Variants in TBC1D14 observed in about 807,000 individuals in gnomAD.
The protein encoded by TBC1D14 is TBC1 domain family, member 14.
A neutral mutation model predicts 79.0 loss-of-function variants in TBC1D14; 26 were observed. The ratio of observed to expected loss-of-function variants is 0.33; its 90% CI spans 0.24 to 0.46. The LOEUF (loss-of-function observed/expected upper bound fraction) is 0.46, where lower values mean the gene tolerates loss of function less well. Among genes scored for constraint, TBC1D14 ranks in the 20% least tolerant of loss-of-function variants. The pLI is 1.00. For missense variants in TBC1D14, 769 were observed against 887.6 expected (o/e 0.87, Z 1.70); for synonymous variants, 394 against 349.9 (o/e 1.13, Z -1.40).
At chr4:6,973,322 C>A (rs1295208150) in intron 3 of TBC1D14, among the ~76,000 whole-genome samples, 1 of 152,000 alleles carries the variant, frequency 6.6e-6, no homozygotes, top group Non-Finnish European at 1.5e-5. Context: ...TTGTAGATTG[C>A]AGCAAGGATA....
intron 1 of TBC1D14, among the ~76,000 whole-genome samples, chr4:6,912,867 T>C (rs1268549759): frequency 5.9e-5 from 9 of 152,214 alleles, no homozygotes; most frequent in African/African-American, 2.2e-4. Context: ...AGTTAAGAAA[T>C]GAGTCCAAGC....
At chr4:6,966,934 C>G (rs1412083500) in intron 2 of TBC1D14, among the ~76,000 whole-genome samples, 4 of 152,130 alleles carry the variant, frequency 2.6e-5, no homozygotes, top group African/African-American at 7.2e-5. Flanking sequence ...CTCAGCCTCC[C>G]GAGTAGCTGG....
At chr4:7,004,135 C>T (rs1049579937) in intron 7 of TBC1D14, among the ~76,000 whole-genome samples, 1 of 152,192 alleles carries the variant, frequency 6.6e-6, no homozygotes, top group African/African-American at 2.4e-5. Context: ...GAATGGGGCA[C>T]GGATATACCT....
At chr4:6,973,323 A>T (rs1716383567) in intron 3 of TBC1D14, among the ~76,000 whole-genome samples, 1 of 151,938 alleles carries the variant, frequency 6.6e-6, no homozygotes, top group African/African-American at 2.4e-5. Flanking sequence ...TGTAGATTGC[A>T]GCAAGGATAG....
At chr4:6,998,253 A>T (rs756310189) in intron 5 of TBC1D14, among the ~76,000 whole-genome samples, 2 of 151,772 alleles carry the variant, frequency 1.3e-5, no homozygotes, top group Non-Finnish European at 2.9e-5. Context: ...CCAGCTTCTC[A>T]GGAGGCTAAG....
intron 12 of TBC1D14, among the ~76,000 whole-genome samples, chr4:7,023,437 T>C (rs1441044724): frequency 1.3e-5 from 2 of 152,148 alleles, no homozygotes; most frequent in Non-Finnish European, 2.9e-5. Context: ...ACAAGCATGC[T>C]CTCCAGGTAC....
chr4:6,945,325 G>T lies in TBC1D14; in HGVS notation c.722+21214G>T, dbSNP rs142475816. Among the ~76,000 whole-genome samples the T allele has an allele frequency of 2.1e-4, 32 of 152,296 alleles. No individual in the cohort carries two copies. The East Asian group carries it at 6.2e-3, about 29-fold the overall frequency. On this transcript the variant is annotated intron_variant, in intron 2 of 13. Transcript: ENST00000409757. ...AGAAGATAATAGGAGAGTTTGTGCTGTAAGGCAGGTGTTTACAGTTTGATT... is the reference window on the plus strand; with the variant it reads ...AGAAGATAATAGGAGAGTTTGTGCTTTAAGGCAGGTGTTTACAGTTTGATT...
intron 3 of TBC1D14, among the ~76,000 whole-genome samples, chr4:6,971,495 G>C (rs1258032768): frequency 2.6e-5 from 4 of 152,094 alleles, no homozygotes; most frequent in East Asian, 1.9e-4. Context: ...GGGAAATATT[G>C]AAATGTTAAC....
At chr4:7,017,612 C>T (rs76276294) in intron 12 of TBC1D14, among the ~76,000 whole-genome samples, 3 of 152,248 alleles carry the variant, frequency 2.0e-5, no homozygotes, top group Non-Finnish European at 4.4e-5. Flanking sequence ...ACTGCTGAGG[C>T]CTTTGTGCTG....
At chr4:7,001,422 T>G in intron 7 of TBC1D14, 171 bp downstream of exon 7, 1 of 602,924 alleles carries the variant, frequency 1.7e-6, no homozygotes, top group South Asian at 2.0e-5. Flanking sequence ...CTGGGTTTAG[T>G]GCTGTGCACT....
intron 3 of TBC1D14, among the ~76,000 whole-genome samples, chr4:6,985,770 C>G (rs1429167423): frequency 1.3e-5 from 2 of 152,108 alleles, no homozygotes; most frequent in African/African-American, 4.8e-5. Context: ...AAGAATAACC[C>G]CTACTCCTGC....
intron 3 of TBC1D14, among the ~76,000 whole-genome samples, chr4:6,985,815 TAAC>T (rs769931124): frequency 6.6e-6 from 1 of 152,230 alleles, no homozygotes; most frequent in Non-Finnish European, 1.5e-5. Context: ...ATAATTGTCT[TAAC>T]AAGGCGTTCG....
intron 2 of TBC1D14, among the ~76,000 whole-genome samples, chr4:6,946,019 A>C (rs1200549181): frequency 6.6e-6 from 1 of 152,196 alleles, no homozygotes. Context: ...CAGAGCCACC[A>C]GTAGAAAGAA....
At chr4:7,019,114 C>T (rs549440709) in intron 12 of TBC1D14, among the ~76,000 whole-genome samples, 11 of 152,146 alleles carry the variant, frequency 7.2e-5, no homozygotes, top group African/African-American at 2.2e-4. Context: ...CTCCGCCTCC[C>T]GGATTCACGC....
At chr4:7,027,319 C>T (rs944687042) in intron 13 of TBC1D14, among the ~76,000 whole-genome samples, 3 of 141,940 alleles carry the variant, frequency 2.1e-5, no homozygotes, top group Admixed American at 7.1e-5. Context: ...CACACCTATA[C>T]GTACACAATC....
At chr4:6,912,230 A>C (rs1195977665) in intron 1 of TBC1D14, among the ~76,000 whole-genome samples, 1 of 151,988 alleles carries the variant, frequency 6.6e-6, no homozygotes, top group Non-Finnish European at 1.5e-5. Context: ...CTATACTAAA[A>C]ATACAAAAAT....
At chr4:7,023,414 T>C (rs1197447261) in intron 12 of TBC1D14, among the ~76,000 whole-genome samples, 3 of 152,180 alleles carry the variant, frequency 2.0e-5, no homozygotes, top group African/African-American at 7.2e-5. Context: ...TCCTGCCCTT[T>C]CTCATAGTGT....
At chr4:7,013,578 G>T (rs192076126) in intron 11 of TBC1D14, among the ~76,000 whole-genome samples, 3 of 152,284 alleles carry the variant, frequency 2.0e-5, no homozygotes, top group Non-Finnish European at 4.4e-5. Context: ...TAAACTACGG[G>T]CTGTAACGCC....
chr4:7,005,108 A>G (rs959077386), intron 8 of TBC1D14, among the ~76,000 whole-genome samples, 184 bp downstream of exon 8: 17 of 152,198 alleles, frequency 1.1e-4, no homozygotes, highest in Non-Finnish European at 1.5e-5. Flanking sequence ...AAAACTTTTT[A>G]TAAGAAATTG....
Sources: allele counts gnomAD v4.1 joint callset (sites outside exome capture counted in the v4.1 genomes callset), GRCh38; gene constraint gnomAD v4.1.1; transcripts MANE v1.5; gene names NCBI Gene and HGNC (gene_info 2026-07-23, HGNC 2026-07-21).